Variants in CCDC85A observed in about 807,000 individuals in gnomAD.
CCDC85A encodes coiled-coil domain containing 85A.
CCDC85A carries 38 observed loss-of-function variants against 50.2 expected under a neutral mutation model. The observed-to-expected ratio is 0.76, with a 90% CI of 0.58 to 0.99. The LOEUF is 0.99. Ranked by LOEUF, CCDC85A falls within the 50% of genes least tolerant of loss-of-function variation. CCDC85A has a pLI of 0.00. For missense variants in CCDC85A, 820 were observed against 742.0 expected (o/e 1.11, Z -1.22); for synonymous variants, 366 against 301.4 (o/e 1.21, Z -2.22).
intron 1 of CCDC85A, among the ~76,000 whole-genome samples, chr2:56,191,046 C>T (rs1282447292): frequency 6.6e-6 from 1 of 152,148 alleles, no homozygotes; most frequent in Non-Finnish European, 1.5e-5. Context: ...ATGCTCACCT[C>T]GCTGTACTTG....
At chr2:56,305,187 A>C (rs150688539) in intron 2 of CCDC85A, among the ~76,000 whole-genome samples, 9 of 152,154 alleles carry the variant, frequency 5.9e-5, no homozygotes, top group African/African-American at 2.2e-4. Flanking sequence ...TATATTTAGG[A>C]CATTATACTA....
intron 2 of CCDC85A, among the ~76,000 whole-genome samples, chr2:56,209,809 T>C (rs1215671327): frequency 3.9e-5 from 6 of 152,110 alleles, no homozygotes; most frequent in Admixed American, 3.9e-4. Flanking sequence ...GTTATTGTTA[T>C]GTATGAGGTT....
chr2:56,337,146 G>A (rs1674114256), intron 2 of CCDC85A, among the ~76,000 whole-genome samples: 1 of 152,172 alleles, frequency 6.6e-6, no homozygotes, highest in African/African-American at 2.4e-5. Flanking sequence ...TTTAGAAGAT[G>A]CGGAATTTAA....
intron 2 of CCDC85A, among the ~76,000 whole-genome samples, chr2:56,202,766 G>A (rs1676796522): frequency 6.6e-6 from 1 of 152,184 alleles, no homozygotes; most frequent in Non-Finnish European, 1.5e-5. Flanking sequence ...AGCAGCCTGG[G>A]CTGTTGAACC....
At chr2:56,238,113 C>G (rs896746309) in intron 2 of CCDC85A, among the ~76,000 whole-genome samples, 22 of 152,182 alleles carry the variant, frequency 1.4e-4, no homozygotes, top group African/African-American at 5.1e-4. Context: ...TGCATACTGC[C>G]AGACGGTAGC....
chr2:56,297,389 G>A (rs1241937559), intron 2 of CCDC85A, among the ~76,000 whole-genome samples: 2 of 140,630 alleles, frequency 1.4e-5, no homozygotes, highest in East Asian at 4.0e-4. Context: ...GTCTTTGTAC[G>A]AGCCTTTTTT....
At chr2:56,333,209 G>C (rs887452249) in intron 2 of CCDC85A, among the ~76,000 whole-genome samples, 7 of 152,184 alleles carry the variant, frequency 4.6e-5, no homozygotes, top group African/African-American at 1.4e-4. Context: ...TGGGTTGGAG[G>C]TGTGGCAGGT....
In CCDC85A at chr2:56,287,933, G is replaced by A. The variant is rs146024388; in HGVS notation, c.1241-54946G>A. On this transcript the variant is annotated intron_variant, in intron 2 of 5. Transcript: ENST00000407595. ...CTTTCCTGTTGTCTTTGAGTTTTTC[G>A]TCTTCCACAGAGAGCTGCCATAGGG... Among the ~76,000 whole-genome samples, 244 of 151,924 alleles carry A rather than the reference G, an allele frequency of 1.6e-3. 2 individuals carry two copies. Among genetic ancestry groups the A allele is most frequent in the African/African-American group, 5.5e-3 (226 of 41,438 alleles).
chr2:56,355,887 A>T (rs1675200458), intron 3 of CCDC85A, among the ~76,000 whole-genome samples: 1 of 152,236 alleles, frequency 6.6e-6, no homozygotes, highest in Non-Finnish European at 1.5e-5. Flanking sequence ...TTGACAGATA[A>T]CAAATAACCA....
chr2:56,318,520 T>G (rs1396881322), intron 2 of CCDC85A, among the ~76,000 whole-genome samples: 1 of 152,138 alleles, frequency 6.6e-6, no homozygotes, highest in Non-Finnish European at 1.5e-5. Flanking sequence ...TTTATTTTCT[T>G]GTTTCTTATC....
intron 3 of CCDC85A, among the ~76,000 whole-genome samples, chr2:56,356,468 C>T (rs775672051): frequency 2.4e-4 from 36 of 152,112 alleles, no homozygotes; most frequent in Non-Finnish European, 4.9e-4. Context: ...AGGTTCTTTG[C>T]CAATTGAAAA....
intron 2 of CCDC85A, among the ~76,000 whole-genome samples, chr2:56,309,841 A>G (rs1034658150): frequency 6.6e-6 from 1 of 152,160 alleles, no homozygotes; most frequent in Non-Finnish European, 1.5e-5. Flanking sequence ...TGGCTGCATC[A>G]CAGCATGGTT....
At chr2:56,285,152 A>G (rs911550647) in intron 2 of CCDC85A, among the ~76,000 whole-genome samples, 45 of 149,504 alleles carry the variant, frequency 3.0e-4, no homozygotes, top group Admixed American at 2.5e-3. Context: ...CCCAGGCTGG[A>G]GTGCAGTGGC....
chr2:56,338,667 C>G (rs1674202914), intron 2 of CCDC85A, among the ~76,000 whole-genome samples: 1 of 152,102 alleles, frequency 6.6e-6, no homozygotes, highest in Admixed American at 6.5e-5. Context: ...TTATGCACTA[C>G]TAGTCAGGCT....
chr2:56,247,617 T>A (rs1181626816), intron 2 of CCDC85A, among the ~76,000 whole-genome samples: 1 of 152,188 alleles, frequency 6.6e-6, no homozygotes, highest in Non-Finnish European at 1.5e-5. Flanking sequence ...CTATGTCTTA[T>A]TTTGAAGGCA....
intron 2 of CCDC85A, among the ~76,000 whole-genome samples, chr2:56,227,586 C>CTG (rs1189332416): frequency 6.6e-6 from 1 of 152,038 alleles, no homozygotes; most frequent in Non-Finnish European, 1.5e-5. Flanking sequence ...TCCAGTCTAC[C>CTG]TGTGTGTGTG....
intron 3 of CCDC85A, among the ~76,000 whole-genome samples, chr2:56,343,274 A>G (rs1312845156): frequency 1.3e-5 from 2 of 152,220 alleles, no homozygotes; most frequent in African/African-American, 4.8e-5. Context: ...TACACCATGC[A>G]TGTGGTTGGT....
intron 5 of CCDC85A, chr2:56,379,924 T>C (rs1327614972): frequency 2.7e-6 from 1 of 367,142 alleles, no homozygotes; most frequent in East Asian, 1.6e-4. Flanking sequence ...TATGAATATT[T>C]TTAAAATGCT....
chr2:56,304,390 A>G (rs1672338445), intron 2 of CCDC85A, among the ~76,000 whole-genome samples: 4 of 152,244 alleles, frequency 2.6e-5, no homozygotes, highest in African/African-American at 9.6e-5. Flanking sequence ...TATGATATGC[A>G]TAAAAATTTG....
Sources: allele counts gnomAD v4.1 joint callset (sites outside exome capture counted in the v4.1 genomes callset), GRCh38; gene constraint gnomAD v4.1.1; transcripts MANE v1.5; gene names NCBI Gene and HGNC (gene_info 2026-07-23, HGNC 2026-07-21).